Variants in CRYZL1 observed in about 807,000 individuals in gnomAD.
CRYZL1 encodes the protein ferry endosomal RAB5 effector complex subunit 4.
A neutral mutation model predicts 50.6 loss-of-function variants in CRYZL1; 34 were observed. The observed-to-expected ratio is 0.67, with a 90% CI of 0.51 to 0.89. The LOEUF is 0.89. Among genes scored for constraint, CRYZL1 ranks in the 40% least tolerant of loss-of-function variants. The pLI, the probability that CRYZL1 is intolerant of heterozygous loss-of-function variation, is 0.00. For synonymous variants in CRYZL1, 125 were observed against 134.3 expected (o/e 0.93, Z 0.48); for missense variants, 354 against 402.3 (o/e 0.88, Z 1.03).
intron 2 of CRYZL1, among the ~76,000 whole-genome samples, chr21:33,629,560 G>C (rs1488273230): frequency 6.6e-6 from 1 of 152,210 alleles, no homozygotes; most frequent in Non-Finnish European, 1.5e-5. Context: ...ACCATGCCCA[G>C]CCTCCTACTG....
intron 6 of CRYZL1, among the ~76,000 whole-genome samples, chr21:33,606,776 G>A (rs12483201): frequency 0.7 from 105,640 of 151,816 alleles, 36,803 homozygotes; most frequent in African/African-American, 0.74. Context: ...ATGGGAGGCC[G>A]AGACAGGCAG....
intron 2 of CRYZL1, among the ~76,000 whole-genome samples, chr21:33,630,962 G>C (rs2087130834): frequency 6.6e-6 from 1 of 152,180 alleles, no homozygotes; most frequent in Admixed American, 6.5e-5. Context: ...TAGACGTAGA[G>C]AGTCCAATAA....
intron 1 of CRYZL1, among the ~76,000 whole-genome samples, chr21:33,635,092 A>G (rs2145963657): frequency 6.6e-6 from 1 of 151,908 alleles, no homozygotes; most frequent in African/African-American, 2.4e-5. Flanking sequence ...CCAGAAGAAA[A>G]CTGAGGAAAT....
intron 10 of CRYZL1, among the ~76,000 whole-genome samples, chr21:33,596,711 A>G (rs1306488487): frequency 1.3e-5 from 2 of 151,996 alleles, no homozygotes; most frequent in Non-Finnish European, 2.9e-5. Flanking sequence ...AAATAAAATT[A>G]CACTTCATCG....
At chr21:33,601,129 G>T (rs914977533) in intron 8 of CRYZL1, among the ~76,000 whole-genome samples, 8 of 147,698 alleles carry the variant, frequency 5.4e-5, no homozygotes, top group Non-Finnish European at 1.0e-4. Flanking sequence ...TAGAGATGGG[G>T]TTTCATCACG....
chr21:33,632,671 C>A (rs978239611), intron 1 of CRYZL1, among the ~76,000 whole-genome samples: 8 of 152,186 alleles, frequency 5.3e-5, no homozygotes, highest in African/African-American at 1.9e-4. Context: ...AGTCACCGCG[C>A]CCGGCTCTGT....
rs1246578563 is a variant in CRYZL1, at chr21:33,637,218, G to A, written c.-7+4463C>T. ...CCCAGCATTTTTGGAGGCCGAGGCG[G>A]GCGGATCACGAGGTCAGGAGATGGC... is the stretch of plus-strand genomic sequence containing the variant. On this transcript the variant is annotated intron_variant, in intron 1 of 12. Transcript: ENST00000381554. 2.0e-5 allele frequency among the ~76,000 whole-genome samples: 3 copies of A among 152,210 alleles called. No individual in the cohort carries two copies. In the East Asian group the frequency reaches 5.8e-4, roughly 29 times the overall value.
chr21:33,641,143 G>C (rs998517398), intron 1 of CRYZL1: 6 of 1,548,666 alleles, frequency 3.9e-6, no homozygotes, highest in African/African-American at 2.7e-5. Flanking sequence ...GCAGATGTTC[G>C]GCCCCGACCC....
chr21:33,614,681 C>G (rs2086909466), intron 5 of CRYZL1, among the ~76,000 whole-genome samples: 1 of 152,118 alleles, frequency 6.6e-6, no homozygotes, highest in African/African-American at 2.4e-5. Context: ...AAGCGATTCT[C>G]CTGCCTCAGC....
At chr21:33,595,580 G>A in intron 11 of CRYZL1, 151 bp downstream of exon 11, 2 of 1,373,302 alleles carry the variant, frequency 1.5e-6, no homozygotes, top group Non-Finnish European at 2.0e-6. Flanking sequence ...CTGTTTTAAT[G>A]TTTAAATGAA....
At chr21:33,628,080 G>A (rs2087090427) in intron 2 of CRYZL1, among the ~76,000 whole-genome samples, 1 of 152,064 alleles carries the variant, frequency 6.6e-6, no homozygotes, top group African/African-American at 2.4e-5. Context: ...GCTACTTTCT[G>A]GAAACTTGCA....
intron 10 of CRYZL1, chr21:33,596,232 A>G (rs2086691684): frequency 2.2e-6 from 1 of 449,148 alleles, no homozygotes; most frequent in African/African-American, 2.0e-5. Context: ...ATACATAAAC[A>G]TATATAGTAA....
intron 11 of CRYZL1, chr21:33,591,457 T>G (rs139669880): frequency 1.4e-4 from 78 of 555,268 alleles, no homozygotes; most frequent in African/African-American, 1.3e-3. Context: ...AAGTCAAGCC[T>G]GGTGCTTATC....
intron 8 of CRYZL1, 132 bp from the exon 9 acceptor site, chr21:33,599,380 G>A: frequency 8.3e-7 from 1 of 1,209,060 alleles, no homozygotes; most frequent in South Asian, 1.3e-5. Context: ...AACAATTACT[G>A]AATTTAAAGG....
chr21:33,601,656 C>A (rs1012636446), intron 8 of CRYZL1, among the ~76,000 whole-genome samples: 1 of 152,124 alleles, frequency 6.6e-6, no homozygotes, highest in Non-Finnish European at 1.5e-5. Flanking sequence ...GTGGCTCATG[C>A]CTGTAATTCC....
At chr21:33,621,584 G>A (rs956522824) in intron 4 of CRYZL1, among the ~76,000 whole-genome samples, 78 of 151,872 alleles carry the variant, frequency 5.1e-4, no homozygotes, top group Non-Finnish European at 9.9e-4. Flanking sequence ...CTTGTGATCC[G>A]CCCGCCTCAG....
At chr21:33,620,990 C>T (rs1165760112) in intron 4 of CRYZL1, among the ~76,000 whole-genome samples, 7 of 131,180 alleles carry the variant, frequency 5.3e-5, no homozygotes, top group Admixed American at 5.0e-4. Context: ...ACTGCAGCTC[C>T]GCCCCCTGGG....
intron 12 of CRYZL1, among the ~76,000 whole-genome samples, chr21:33,590,737 T>G (rs1323275745): frequency 1.3e-5 from 2 of 152,220 alleles, no homozygotes; most frequent in Non-Finnish European, 2.9e-5. Context: ...TTATAACTGA[T>G]AAACATATTC....
At position 33,603,443 on chromosome 21, in the gene CRYZL1, G is replaced by C. The variant is rs374956495; in HGVS notation, c.426C>G (p.Leu142=). Residue 142 remains leucine, a synonymous_variant, in exon 7 of 13, where the codon CTC becomes CTG. Transcript: ENST00000381554. ...TTATCAGCACTGATTTTCCAGGAGA[G>C]AGATGAGAAAGATAATGCAGAGCTG... The part of the protein sequence containing the change: ...AYTALHYLSH[L]SPGKSVLIMD... 28 of 1,614,022 alleles carry C rather than the reference G, an allele frequency of 1.7e-5. No homozygotes were observed. Among genetic ancestry groups the C allele is most frequent in the Non-Finnish European group, 2.4e-5 (28 of 1,180,012 alleles).
Sources: gnomAD v4.1 joint callset for allele counts (sites outside exome capture counted in the v4.1 genomes callset) on GRCh38, gnomAD v4.1.1 for gene constraint, MANE v1.5 for transcripts, NCBI Gene and HGNC (gene_info 2026-07-23, HGNC 2026-07-21) for gene names.